Variants in MCF2L observed in about 807,000 individuals in gnomAD.
MCF2L encodes MCF.2 cell line derived transforming sequence like.
MCF2L carries 97 observed loss-of-function variants against 153.4 expected under a neutral mutation model. That is an observed-to-expected ratio of 0.63 (90% CI 0.54 to 0.75). The LOEUF (loss-of-function observed/expected upper bound fraction) is 0.75, where lower values mean the gene tolerates loss of function less well. Ranked by LOEUF, MCF2L falls within the 30% of genes least tolerant of loss-of-function variation. The pLI is 0.00. For synonymous variants in MCF2L, 659 were observed against 632.2 expected (o/e 1.04, Z -0.64); for missense variants, 1,347 against 1,495.2 (o/e 0.90, Z 1.64).
At chr13:112,911,477 G>A (rs928123143) in intron 2 of MCF2L, among the ~76,000 whole-genome samples, 8 of 152,370 alleles carry the variant, frequency 5.3e-5, no homozygotes, top group Non-Finnish European at 7.3e-5. Context: ...CATGTTGGCC[G>A]TGATCCCCGG....
intron 1 of MCF2L, chr13:112,985,506 C>T (rs1288930368): frequency 2.1e-6 from 1 of 470,192 alleles, no homozygotes; most frequent in South Asian, 1.5e-5. Flanking sequence ...CCTGTGAGTC[C>T]CTCGCAGGTG....
intron 1 of MCF2L, among the ~76,000 whole-genome samples, chr13:112,976,540 A>G (rs1443094767): frequency 2.0e-5 from 3 of 152,208 alleles, no homozygotes; most frequent in Admixed American, 6.5e-5. Flanking sequence ...CAGGTCGCTC[A>G]TGGGGCGGCA....
chr13:113,089,488 G>T lies in MCF2L; in HGVS notation c.2835-122G>T, dbSNP rs2034990063. On this transcript the variant is annotated intron_variant, in intron 25 of 29. Transcript: ENST00000535094. ...GTTTAACTTAGAAACACGTGCAGGA[G>T]ATGCTGCTTTAGGATCAGGCCGGGA... is the stretch of plus-strand genomic sequence containing the variant. 2.0e-5 allele frequency: 14 copies of T among 704,720 alleles called. No homozygotes were observed. The Admixed American group carries it at 2.7e-4, about 14-fold the overall frequency. The allele number at this position is 704,720 out of a possible 1,614,324, so 43.7% of individuals were successfully genotyped here. A position where few individuals can be genotyped will look rare whatever the true frequency, so the allele number is the denominator to read the frequency against.
rs2031997601 is a variant in MCF2L at position 113,064,159 on chromosome 13, C to T, written c.490-145C>T. ...CCATCCGCACATCCATCCGCAGTGT[C>T]CAGGTGCCCCCACCCACACAGCCGC... On this transcript the variant is annotated intron_variant, in intron 5 of 29. Coordinates refer to ENST00000535094, the MANE Select transcript of MCF2L (RefSeq NM_001112732.3). The surrounding 1 kb of genome is among the most constrained non-coding windows in gnomAD (Gnocchi z 6.0). The T allele has an allele frequency of 2.8e-6, 2 of 709,808 alleles. No homozygotes were observed. The highest frequency in any genetic ancestry group is 5.1e-6 in the Non-Finnish European group (2 of 389,224). 44.0% of individuals were successfully genotyped at this position (709,808 alleles called of 1,614,324 possible). A position where few individuals can be genotyped will look rare whatever the true frequency, so the allele number is the denominator to read the frequency against.
At chr13:113,083,405 TG>T (rs1441394065) in intron 17 of MCF2L, among the ~76,000 whole-genome samples, 2 of 152,222 alleles carry the variant, frequency 1.3e-5, no homozygotes, top group African/African-American at 2.4e-5. Context: ...CCACGGAGCT[TG>T]GGCAGAACCT....
intron 1 of MCF2L, among the ~76,000 whole-genome samples, chr13:112,988,466 T>C (rs1487275217): frequency 1.3e-5 from 2 of 152,188 alleles, no homozygotes; most frequent in African/African-American, 4.8e-5. Flanking sequence ...TCGGCAGCTC[T>C]GTGCGGCCTG....
chr13:113,050,220 CTGTG>C (rs376441925), intron 4 of MCF2L, among the ~76,000 whole-genome samples: 16 of 146,952 alleles, frequency 1.1e-4, no homozygotes, highest in East Asian at 5.9e-4. Flanking sequence ...GAATGTGAGA[CTGTG>C]TGAGTGTGTG....
At chr13:112,981,991 G>C (rs902560407) in intron 1 of MCF2L, among the ~76,000 whole-genome samples, 1 of 152,216 alleles carries the variant, frequency 6.6e-6, no homozygotes, top group Non-Finnish European at 1.5e-5. Flanking sequence ...GCCCCGGTCA[G>C]GGCTGGGGGA....
intron 2 of MCF2L, among the ~76,000 whole-genome samples, chr13:112,942,593 T>TG (rs2140671654): frequency 6.6e-6 from 1 of 152,326 alleles, no homozygotes; most frequent in African/African-American, 2.4e-5. Context: ...CCACTGACCC[T>TG]GTGGGGCTGG....
chr13:112,961,008 T>C (rs940662323), intron 2 of MCF2L, among the ~76,000 whole-genome samples: 5 of 152,128 alleles, frequency 3.3e-5, no homozygotes, highest in Admixed American at 2.0e-4. Flanking sequence ...TGACCAGGCA[T>C]CAAAACACAC....
At chr13:112,918,404 C>T (rs552527492) in intron 2 of MCF2L, among the ~76,000 whole-genome samples, 8 of 152,310 alleles carry the variant, frequency 5.3e-5, no homozygotes, top group African/African-American at 1.9e-4. Context: ...GAGTAACTGA[C>T]GCAGTTCACT....
At chr13:113,029,578 A>G (rs1594747071) in intron 3 of MCF2L, among the ~76,000 whole-genome samples, 1 of 152,166 alleles carries the variant, frequency 6.6e-6, no homozygotes, top group South Asian at 2.1e-4. Flanking sequence ...GACAAGGAGG[A>G]GACCTGCCCA....
At chr13:112,962,288 C>T (rs994629679) in intron 2 of MCF2L, among the ~76,000 whole-genome samples, 16 of 152,086 alleles carry the variant, frequency 1.1e-4, no homozygotes, top group African/African-American at 3.1e-4. Context: ...TGCTCACACA[C>T]GCATGTACAC....
chr13:113,064,860 C>T lies in MCF2L; in HGVS notation c.607-76C>T. 6.5e-7 allele frequency: 1 copy of T among 1,527,090 alleles called. No individual in the cohort carries two copies. The highest frequency in any genetic ancestry group is 8.9e-7 in the Non-Finnish European group (1 of 1,126,128). The allele number at this position is 1,527,090 out of a possible 1,614,324, so 94.6% of individuals were successfully genotyped here. A position where few individuals can be genotyped will look rare whatever the true frequency, so the allele number is the denominator to read the frequency against. On this transcript the variant is annotated intron_variant, in intron 6 of 29. Coordinates refer to ENST00000535094, the MANE Select transcript of MCF2L (RefSeq NM_001112732.3). The surrounding 1 kb of genome is among the most constrained non-coding windows in gnomAD (Gnocchi z 6.0). Reference sequence around the variant, plus strand: ...TGGGTCTGTGTGGGAACGGTTTCCGCCGGTGTCTGCTTTCAGGGCAGCAGG... The same window carrying T: ...TGGGTCTGTGTGGGAACGGTTTCCGTCGGTGTCTGCTTTCAGGGCAGCAGG...
chr13:113,092,479 C>T (rs1055134712), intron 26 of MCF2L, among the ~76,000 whole-genome samples: 2 of 151,064 alleles, frequency 1.3e-5, no homozygotes, highest in South Asian at 2.1e-4. Context: ...AGTGTGGCGT[C>T]GAAGCCGGGC....
At chr13:112,979,493 T>G in intron 1 of MCF2L, 1 of 1,434,158 alleles carries the variant, frequency 7.0e-7, no homozygotes, top group Non-Finnish European at 9.1e-7. Flanking sequence ...AAGCCCAGAG[T>G]CACCAGGGTC....
At chr13:112,958,238 C>G (rs530830438) in intron 2 of MCF2L, 2 of 152,260 alleles carry the variant, frequency 1.3e-5, no homozygotes, top group Admixed American at 6.5e-5. Context: ...GTCTGTGCCC[C>G]GTGTCATGGG....
intron 1 of MCF2L, among the ~76,000 whole-genome samples, chr13:112,994,765 C>T (rs2083051318): frequency 6.6e-6 from 1 of 151,728 alleles, no homozygotes; most frequent in South Asian, 2.1e-4. Context: ...GACATATGGG[C>T]CTCCCAAGCG....
At chr13:112,931,866 G>A (rs1484983604) in intron 2 of MCF2L, among the ~76,000 whole-genome samples, 1 of 152,210 alleles carries the variant, frequency 6.6e-6, no homozygotes, top group Non-Finnish European at 1.5e-5. Context: ...CATGACCAAA[G>A]CAGAACAATT....
Sources: gnomAD v4.1 joint callset for allele counts (sites outside exome capture counted in the v4.1 genomes callset) on GRCh38, gnomAD v4.1.1 for gene constraint, Gnocchi (gnomAD v3.1) non-coding constraint, MANE v1.5 for transcripts, NCBI Gene and HGNC (gene_info 2026-07-23, HGNC 2026-07-21) for gene names.